TFCP2: variants seen among roughly 807,000 people sequenced by gnomAD.
The protein encoded by TFCP2 is alpha-globin transcription factor CP2.
TFCP2 carries 33 observed loss-of-function variants against 73.4 expected under a neutral mutation model. The observed-to-expected ratio is 0.45, with a 90% CI of 0.34 to 0.60. TFCP2 has a LOEUF of 0.60. Among genes scored for constraint, TFCP2 ranks in the 20% least tolerant of loss-of-function variants. The pLI is 0.01. For missense variants in TFCP2, 352 were observed against 604.0 expected, an observed-to-expected ratio of 0.58 and a Z score of 4.37; for synonymous variants, 193 against 211.6, an observed-to-expected ratio of 0.91 and a Z score of 0.76.
intron 1 of TFCP2, among the ~76,000 whole-genome samples, chr12:51,126,033 A>T (rs1164950419): frequency 2.0e-5 from 3 of 152,172 alleles, no homozygotes; most frequent in East Asian, 3.9e-4. Flanking sequence ...GATCGAGACC[A>T]TCCTGGCTAA....
intron 4 of TFCP2, among the ~76,000 whole-genome samples, chr12:51,112,394 G>A (rs1250755440): frequency 7.9e-5 from 12 of 152,004 alleles, no homozygotes; most frequent in Non-Finnish European, 1.5e-5. Context: ...TATTTAAGGT[G>A]GATTAAGTCT....
At chr12:51,101,900 C>T (rs1401010252) in intron 11 of TFCP2, 35 bp downstream of exon 11, 1 of 1,403,818 alleles carries the variant, frequency 7.1e-7, no homozygotes, top group East Asian at 2.3e-5. Flanking sequence ...ATTTGGAATC[C>T]CAACCTTATT....
At chr12:51,117,232 CTCT>C (rs983941842) in intron 3 of TFCP2, among the ~76,000 whole-genome samples, 8 of 152,184 alleles carry the variant, frequency 5.3e-5, no homozygotes, top group African/African-American at 1.9e-4. Flanking sequence ...GACAAAACTC[CTCT>C]GTTTCAACTG....
At position 51,172,679 on chromosome 12, in the gene TFCP2, C is replaced by T; in HGVS notation, c.-257G>A. ...TCTCAGGAACGTGAGGACCCCTTTGCTCAACTACTGCAGACTTCCCAGAGG... is the reference window on the plus strand; with the variant it reads ...TCTCAGGAACGTGAGGACCCCTTTGTTCAACTACTGCAGACTTCCCAGAGG... On this transcript the variant is annotated 5_prime_UTR_variant, in exon 1 of 15. Transcript: ENST00000257915. 1 of 419,798 alleles carries T rather than the reference C, an allele frequency of 2.4e-6. No individual in the cohort carries two copies. 26.0% of individuals were successfully genotyped at this position (419,798 alleles called of 1,614,324 possible). A position where few individuals can be genotyped will look rare whatever the true frequency, so the allele number is the denominator to read the frequency against.
intron 8 of TFCP2, among the ~76,000 whole-genome samples, chr12:51,104,553 GA>G (rs1276607560): frequency 6.6e-6 from 1 of 150,640 alleles, no homozygotes; most frequent in Non-Finnish European, 1.5e-5. Context: ...TAATTATCAA[GA>G]AAAAAATTTA....
At chr12:51,157,522 G>A (rs906833603) in intron 1 of TFCP2, among the ~76,000 whole-genome samples, 1 of 151,802 alleles carries the variant, frequency 6.6e-6, no homozygotes, top group African/African-American at 2.4e-5. Flanking sequence ...TTGAGCTCGT[G>A]GGCTCAAGTG....
chr12:51,149,490 G>T (rs1317038871), intron 1 of TFCP2, among the ~76,000 whole-genome samples: 10 of 152,056 alleles, frequency 6.6e-5, no homozygotes, highest in Admixed American at 6.6e-4. Context: ...AGGAGGACAA[G>T]AAAAGTGTAG....
At position 51,172,657 on chromosome 12, in the gene TFCP2, C is replaced by T; in HGVS notation, c.-235G>A. The T allele has an allele frequency of 4.1e-6, 2 of 486,324 alleles. No homozygotes were observed. Among genetic ancestry groups the T allele is most frequent in the Non-Finnish European group, 7.4e-6 (2 of 270,718 alleles). The allele number at this position is 486,324 out of a possible 1,614,324, so 30.1% of individuals were successfully genotyped here. On this transcript the variant is annotated 5_prime_UTR_variant, in exon 1 of 15. Transcript: ENST00000257915. ...TCCAAAATCCCCCCTGCCCAGCTCTCAGGAACGTGAGGACCCCTTTGCTCA... is the reference window on the plus strand; with the variant it reads ...TCCAAAATCCCCCCTGCCCAGCTCTTAGGAACGTGAGGACCCCTTTGCTCA...
chr12:51,138,477 C>T (rs1474905083), intron 1 of TFCP2, among the ~76,000 whole-genome samples: 1 of 151,638 alleles, frequency 6.6e-6, no homozygotes, highest in Non-Finnish European at 1.5e-5. Flanking sequence ...TGTTTTAAGG[C>T]TTTAATTGCC....
intron 8 of TFCP2, among the ~76,000 whole-genome samples, chr12:51,104,958 C>T (rs1345595356): frequency 2.0e-5 from 3 of 152,112 alleles, no homozygotes; most frequent in South Asian, 2.1e-4. Context: ...GTGATCCGCC[C>T]GCCTCCGCCT....
chr12:51,111,932 G>A (rs545509663), intron 4 of TFCP2, among the ~76,000 whole-genome samples: 6 of 152,178 alleles, frequency 3.9e-5, no homozygotes, highest in Admixed American at 3.3e-4. Context: ...CAAGGTGAGC[G>A]GATCACCTGA....
intron 13 of TFCP2, among the ~76,000 whole-genome samples, chr12:51,097,799 T>C (rs1034508624): frequency 6.6e-6 from 1 of 152,000 alleles, no homozygotes; most frequent in East Asian, 1.9e-4. Flanking sequence ...GGTTGATCAC[T>C]TGAGGCCAGG....
intron 1 of TFCP2, among the ~76,000 whole-genome samples, chr12:51,126,247 A>AAAAAG (rs1426963736): frequency 1.3e-5 from 2 of 150,876 alleles, no homozygotes; most frequent in Admixed American, 6.6e-5. Context: ...AAAAAAAAAA[A>AAAAAG]AAAAGAAAAG....
At chr12:51,109,053 G>A (rs1377718958) in intron 6 of TFCP2, 68 bp downstream of exon 6, 6 of 1,529,604 alleles carry the variant, frequency 3.9e-6, no homozygotes, top group Middle Eastern at 1.7e-4. Flanking sequence ...TTTCTGACTT[G>A]GTAACTAATG....
intron 1 of TFCP2, among the ~76,000 whole-genome samples, chr12:51,146,699 T>C (rs1941305733): frequency 1.3e-5 from 2 of 152,182 alleles, no homozygotes; most frequent in Non-Finnish European, 2.9e-5. Context: ...CCTCCACCTT[T>C]GCAGGGCCAA....
At chr12:51,134,951 A>T (rs1038893129) in intron 1 of TFCP2, among the ~76,000 whole-genome samples, 26 of 152,174 alleles carry the variant, frequency 1.7e-4, no homozygotes, top group East Asian at 1.9e-4. Flanking sequence ...TCTAAAAAAA[A>T]TTTTAAAAAT....
At chr12:51,111,944 G>C (rs1799555767) in intron 4 of TFCP2, among the ~76,000 whole-genome samples, 1 of 152,102 alleles carries the variant, frequency 6.6e-6, no homozygotes, top group Non-Finnish European at 1.5e-5. Context: ...ATCACCTGAA[G>C]TCAAGAGTTC....
chr12:51,127,983 G>A lies in TFCP2; in HGVS notation c.123-9211C>T, dbSNP rs141418792. ...TGTCCAAGAGGGAGTGCAGTGGTGC[G>A]ATCTCGGCTCACCGCAACCTCTGCC... On this transcript the variant is annotated intron_variant, in intron 1 of 14. Transcript: ENST00000257915. 8.4e-3 allele frequency among the ~76,000 whole-genome samples: 1,276 copies of A among 151,424 alleles called. 11 individuals carry two copies. The highest frequency in any genetic ancestry group is 0.029 in the Admixed American group (437 of 15,170).
intron 1 of TFCP2, among the ~76,000 whole-genome samples, chr12:51,151,463 G>GTC (rs1214727347): frequency 7.2e-5 from 11 of 152,172 alleles, no homozygotes; most frequent in African/African-American, 2.4e-4. Flanking sequence ...TTGAGACAGA[G>GTC]TCTCTCCCTG....
Sources: gnomAD v4.1 joint callset for allele counts (sites outside exome capture counted in the v4.1 genomes callset) on GRCh38, gnomAD v4.1.1 for gene constraint, MANE v1.5 for transcripts, NCBI Gene and HGNC (gene_info 2026-07-23, HGNC 2026-07-21) for gene names.